The following CYFIP1 variants were observed in gnomAD, a reference collection of about 807,000 sequenced individuals.
CYFIP1 encodes the protein cytoplasmic FMR1 interacting protein 1, also known as cytoplasmic FMR1-interacting protein 1.
Under a neutral mutation model 163.5 loss-of-function variants are expected in CYFIP1, and 58 were observed. The observed-to-expected ratio is 0.35, with a 90% CI of 0.29 to 0.44. The LOEUF is 0.44. CYFIP1 is among the 20% of genes least tolerant of loss of function. The probability of loss-of-function intolerance (pLI) is 1.00; values close to 1 mark genes in which losing one functional copy is unlikely to be tolerated. For missense variants in CYFIP1, 1,338 were observed against 1,653.8 expected (o/e 0.81, Z 3.31); for synonymous variants, 663 against 660.7 (o/e 1.00, Z -0.05).
chr15:22,914,887 G>A lies in CYFIP1; in HGVS notation c.1829-5C>T. On this transcript the variant is annotated splice_region_variant and splice_polypyrimidine_tract_variant and intron_variant, in intron 16 of 30. Transcript: ENST00000617928. ...CACAGCACTGCTGCAGCGTTTCTGG[G>A]AGGGTTCAAACAACTCCATGTTATC... 1 of 1,604,642 alleles carries A rather than the reference G, an allele frequency of 6.2e-7. No homozygotes were observed. The highest frequency in any genetic ancestry group is 8.5e-7 in the Non-Finnish European group (1 of 1,176,360).
Position 22,917,610 on chromosome 15 carries a change from G to A in CYFIP1, c.1674+178C>T, listed in dbSNP as rs370963095. The A allele has an allele frequency of 5.6e-5, 42 of 750,334 alleles. No homozygotes were observed. The highest frequency in any genetic ancestry group is 4.2e-4 in the East Asian group (14 of 33,068). The allele number at this position is 750,334 out of a possible 1,614,324, so 46.5% of individuals were successfully genotyped here. On this transcript the variant is annotated intron_variant, in intron 15 of 30. Coordinates refer to ENST00000617928, the MANE Select transcript of CYFIP1 (RefSeq NM_014608.6). This position sits in a 1 kb window ranked among gnomAD's most constrained non-coding sequence, Gnocchi z 4.2. ...TGACAATCAAGGCACGTCTCCTCACGCTCCCAACTCACTTGGGTGGGAAAC... is the reference window on the plus strand; with the variant it reads ...TGACAATCAAGGCACGTCTCCTCACACTCCCAACTCACTTGGGTGGGAAAC...
At chr15:22,961,501 C>A (rs1374433424) in intron 1 of CYFIP1, among the ~76,000 whole-genome samples, 1 of 152,136 alleles carries the variant, frequency 6.6e-6, no homozygotes, top group Non-Finnish European at 1.5e-5. Context: ...ACCTCAGCCC[C>A]CCAGGTAGCT....
chr15:22,928,340 G>A (rs2061423795), intron 11 of CYFIP1, among the ~76,000 whole-genome samples: 1 of 152,042 alleles, frequency 6.6e-6, no homozygotes, highest in Non-Finnish European at 1.5e-5. Flanking sequence ...CCGACACTGC[G>A]CCACTGCACT....
At position 22,903,843 on chromosome 15, in the gene CYFIP1, C is replaced by T. The variant is rs562750082; in HGVS notation, c.2451G>A (p.Thr817=). Residue 817 remains threonine, a synonymous_variant, in exon 22 of 31, where the codon ACG becomes ACA. Transcript: ENST00000617928. ...GGAACATGGCGTCGAAGCCGTCCAG[C>T]GTCAGGTACCGGCTCAGCAGCTTGT... is the stretch of plus-strand genomic sequence containing the variant. ...MTHKLLSRYL[T]LDGFDAMFRE... 1.2e-4 allele frequency: 197 copies of T among 1,614,156 alleles called. 3 individuals are homozygous for T. Among genetic ancestry groups the T allele is most frequent in the East Asian group, 7.1e-4 (32 of 44,872 alleles).
intron 1 of CYFIP1, among the ~76,000 whole-genome samples, chr15:22,957,411 T>C (rs375377078): frequency 2.1e-4 from 31 of 150,682 alleles, no homozygotes; most frequent in African/African-American, 5.7e-4. Flanking sequence ...CCGAGGCAGG[T>C]GGATCACGAG....
intron 1 of CYFIP1, among the ~76,000 whole-genome samples, chr15:22,967,144 T>G (rs2062938984): frequency 2.0e-5 from 3 of 152,184 alleles, no homozygotes; most frequent in Admixed American, 2.0e-4. Context: ...TAGCATCGGT[T>G]GGGACACGGG....
intron 13 of CYFIP1, among the ~76,000 whole-genome samples, chr15:22,922,141 G>C (rs988789504): frequency 6.6e-6 from 1 of 152,138 alleles, no homozygotes; most frequent in Non-Finnish European, 1.5e-5. Context: ...AACCAGCTCT[G>C]AACCTTGGGA....
Position 22,926,053 on chromosome 15 carries a change from C to T in CYFIP1, c.1288G>A (p.Asp430Asn), listed in dbSNP as rs749651782. 9 of 1,614,004 alleles carry T rather than the reference C, an allele frequency of 5.6e-6. No individual in the cohort carries two copies. The highest frequency in any genetic ancestry group is 4.0e-5 in the African/African-American group (3 of 74,934). ...GCACGCTCGTACTCTTCAGCGCTGT[C>T]GGGGCAGTCCTTGTTGGAGTACTTG... ...TDKYSNKDCP[D>N]SAEEYERATR... is the part of the protein sequence containing the mutation. Residue 430 changes from aspartate to asparagine, a missense_variant, in exon 13 of 31, where the codon GAC (aspartate) becomes AAC (asparagine). Asp to Asn is a conservative substitution (Grantham distance 23, BLOSUM62 1). This residue lies in a region of CYFIP1 where 824 missense variants were observed against 995.7 expected (regional missense o/e 0.83). Coordinates refer to ENST00000617928, the MANE Select transcript of CYFIP1 (RefSeq NM_014608.6).
At chr15:22,976,696 T>G (rs2063294749) in intron 1 of CYFIP1, among the ~76,000 whole-genome samples, 1 of 151,682 alleles carries the variant, frequency 6.6e-6, no homozygotes, top group African/African-American at 2.4e-5. Context: ...TGCGCCTAAT[T>G]TGTAAATTAA....
At chr15:22,958,111 TTGA>T (rs1296793439) in intron 1 of CYFIP1, among the ~76,000 whole-genome samples, 1 of 151,596 alleles carries the variant, frequency 6.6e-6, no homozygotes, top group Non-Finnish European at 1.5e-5. Flanking sequence ...TTTTTTTTTT[TTGA>T]AATGGAGTCT....
Position 22,903,806 on chromosome 15 carries a change from G to A in CYFIP1, c.2488C>T (p.His830Tyr). 6.2e-7 allele frequency: 1 copy of A among 1,614,224 alleles called. No individual in the cohort carries two copies. The highest frequency in any genetic ancestry group is 8.5e-7 in the Non-Finnish European group (1 of 1,180,034). ...GFDAMFREAN[H>Y]NVSAPYGRIT... The stretch of plus-strand genomic sequence containing the variant: ...CTCCCGTAGGGCGCTGACACGTTGT[G>A]GTTGGCCTCCCGGAACATGGCGTCG... The change falls in exon 22 of 31, where the codon CAC (histidine) becomes TAC (tyrosine). Residue 830 changes from histidine (H) to tyrosine (Y), a missense_variant. Physicochemically the swap from His to Tyr is moderately conservative, Grantham distance 83. Coordinates refer to ENST00000617928, the MANE Select transcript of CYFIP1 (RefSeq NM_014608.6).
chr15:22,927,572 G>A (rs1023990310), intron 12 of CYFIP1, among the ~76,000 whole-genome samples: 2 of 151,586 alleles, frequency 1.3e-5, no homozygotes, highest in Admixed American at 6.6e-5. Flanking sequence ...CAGAAGGATC[G>A]CTTGGGGTGG....
At chr15:22,955,759 G>A (rs1389320676) in intron 1 of CYFIP1, among the ~76,000 whole-genome samples, 1 of 152,180 alleles carries the variant, frequency 6.6e-6, no homozygotes, top group Non-Finnish European at 1.5e-5. Context: ...GCATCAGCCA[G>A]TGCCTCCCCA....
chr15:22,943,700 T>G (rs1222401557), intron 5 of CYFIP1, among the ~76,000 whole-genome samples: 1 of 152,226 alleles, frequency 6.6e-6, no homozygotes, highest in Admixed American at 6.5e-5. Flanking sequence ...GGAGAGATTT[T>G]TTTCCTCTTG....
chr15:22,974,535 C>T (rs2063203771), intron 1 of CYFIP1, among the ~76,000 whole-genome samples: 1 of 151,272 alleles, frequency 6.6e-6, no homozygotes, highest in African/African-American at 2.4e-5. Flanking sequence ...CGAGACCAGC[C>T]TGGCCAACAC....
In CYFIP1 at chr15:22,903,248, G is replaced by A. The variant is rs570899418; in HGVS notation, c.2588+458C>T. On this transcript the variant is annotated intron_variant, in intron 22 of 30. Coordinates refer to ENST00000617928, the MANE Select transcript of CYFIP1 (RefSeq NM_014608.6). ...ACCTCAGCCAGAATGACCGCCACCC[G>A]GTGTGCGGAGCCCAGGGCAGGGCTG... is the stretch of plus-strand genomic sequence containing the variant. 6.7e-4 allele frequency among the ~76,000 whole-genome samples: 102 copies of A among 152,276 alleles called. No individual in the cohort carries two copies. In the South Asian group the frequency reaches 0.011, roughly 17 times the overall value.
rs2061428014 is a variant in CYFIP1, at chr15:22,928,421, AAATAAATAAAT to A, written c.1111-404_1111-394del. 5.9e-5 allele frequency among the ~76,000 whole-genome samples: 9 copies of A among 151,634 alleles called. No individual in the cohort carries two copies. The South Asian group carries it at 1.9e-3, about 31-fold the overall frequency. ...TAAATAAATAAATAAATAAATAAAT[AAATAAATAAAT>A]AAAAAGAAAATAAGAAATGCTGTGG... is the stretch of plus-strand genomic sequence containing the variant. On this transcript the variant is annotated intron_variant, in intron 11 of 30. Coordinates refer to ENST00000617928, the MANE Select transcript of CYFIP1 (RefSeq NM_014608.6).
In CYFIP1 at chr15:22,869,877, T is replaced by TA; in HGVS notation, c.*150dup. On this transcript the variant is annotated 3_prime_UTR_variant, in exon 31 of 31. Coordinates refer to ENST00000617928, the MANE Select transcript of CYFIP1 (RefSeq NM_014608.6). ...CATATACAATTTTAGTCTAGAAAAA[T>TA]AAGTCAATTTTATAAAATTAAGTTT... 1 of 624,318 alleles carries TA rather than the reference T, an allele frequency of 1.6e-6. No individual in the cohort carries two copies. The highest frequency in any genetic ancestry group is 3.5e-5 in the East Asian group (1 of 28,704). 38.7% of individuals were successfully genotyped at this position (624,318 alleles called of 1,614,324 possible). A position where few individuals can be genotyped will look rare whatever the true frequency, so the allele number is the denominator to read the frequency against.
intron 26 of CYFIP1, among the ~76,000 whole-genome samples, chr15:22,876,231 T>C (rs1454564581): frequency 5.9e-5 from 9 of 152,106 alleles, no homozygotes; most frequent in Admixed American, 4.6e-4. Flanking sequence ...CCAGAGATGA[T>C]GGCAAAACTA....
Sources: allele counts gnomAD v4.1 joint callset (sites outside exome capture counted in the v4.1 genomes callset), GRCh38; gene constraint gnomAD v4.1.1; regional missense constraint gnomAD v4.1.1; non-coding constraint Gnocchi (gnomAD v3.1); transcripts MANE v1.5; gene names NCBI Gene and HGNC (gene_info 2026-07-23, HGNC 2026-07-21).